ARID5B: variants seen among roughly 807,000 people sequenced by gnomAD.
ARID5B encodes the protein AT-rich interactive domain-containing protein 5B.
In ARID5B, 13 loss-of-function variants were observed where a neutral mutation model predicts 97.2. The observed-to-expected ratio is 0.13, with a 90% CI of 0.09 to 0.21. The LOEUF (loss-of-function observed/expected upper bound fraction) is 0.21. Ranked by LOEUF, ARID5B falls within the 10% of genes least tolerant of loss-of-function variation. The pLI is 1.00. For synonymous variants in ARID5B, 556 were observed against 570.3 expected (o/e 0.97, Z 0.36); for missense variants, 1,210 against 1,465.3 (o/e 0.83, Z 2.84).
At chr10:62,085,054 T>G (rs1332472061) in intron 8 of ARID5B, among the ~76,000 whole-genome samples, 1 of 152,202 alleles carries the variant, frequency 6.6e-6, no homozygotes, top group East Asian at 1.9e-4. Flanking sequence ...ATAAAATGTT[T>G]TCAGATGGGC....
chr10:62,056,569 A>G (rs1839859002), intron 5 of ARID5B, among the ~76,000 whole-genome samples: 1 of 152,206 alleles, frequency 6.6e-6, no homozygotes, highest in South Asian at 2.1e-4. Flanking sequence ...TACAAAGTAT[A>G]AAATATGGTT....
At chr10:62,018,604 C>T (rs1487600030) in intron 4 of ARID5B, among the ~76,000 whole-genome samples, 4 of 141,440 alleles carry the variant, frequency 2.8e-5, no homozygotes, top group African/African-American at 1.1e-4. Flanking sequence ...TTCAAACCTG[C>T]CCCTCCCCCG....
intron 3 of ARID5B, among the ~76,000 whole-genome samples, chr10:61,941,214 G>A (rs1173497646): frequency 6.7e-6 from 1 of 150,356 alleles, no homozygotes; most frequent in Non-Finnish European, 1.5e-5. Context: ...ACATTGACTG[G>A]CATAAAGGAG....
chr10:61,963,290 C>G (rs1389613386), intron 3 of ARID5B, among the ~76,000 whole-genome samples: 1 of 152,138 alleles, frequency 6.6e-6, no homozygotes, highest in Non-Finnish European at 1.5e-5. Flanking sequence ...AGCTTCTTAA[C>G]CCCAGTTTGC....
At chr10:62,016,334 T>C (rs1839283812) in intron 4 of ARID5B, among the ~76,000 whole-genome samples, 1 of 152,214 alleles carries the variant, frequency 6.6e-6, no homozygotes, top group African/African-American at 2.4e-5. Context: ...TATAGACCAA[T>C]GAGGTTCATT....
At chr10:61,928,991 A>C (rs7068195) in intron 2 of ARID5B, among the ~76,000 whole-genome samples, 5,685 of 152,196 alleles carry the variant, frequency 0.037, 370 homozygotes, top group African/African-American at 0.13. Flanking sequence ...GAGGTGGTAC[A>C]TTCTTCCCCC....
intron 2 of ARID5B, among the ~76,000 whole-genome samples, chr10:61,935,030 A>G (rs549108144): frequency 6.6e-6 from 1 of 150,986 alleles, no homozygotes; most frequent in Non-Finnish European, 1.5e-5. Flanking sequence ...AAAAAAAAAG[A>G]TTACAGATCA....
chr10:61,977,452 G>A (rs1838716411), intron 3 of ARID5B, among the ~76,000 whole-genome samples: 1 of 152,222 alleles, frequency 6.6e-6, no homozygotes, highest in South Asian at 2.1e-4. Flanking sequence ...TACAATGGTT[G>A]AGCTAGTTTA....
intron 6 of ARID5B, among the ~76,000 whole-genome samples, chr10:62,057,731 G>A (rs1839875173): frequency 6.6e-6 from 1 of 152,074 alleles, no homozygotes; most frequent in African/African-American, 2.4e-5. Flanking sequence ...CAACCACAAA[G>A]GGAAAACACA....
At chr10:62,029,439 T>C (rs779521175) in intron 4 of ARID5B, among the ~76,000 whole-genome samples, 10 of 152,232 alleles carry the variant, frequency 6.6e-5, no homozygotes, top group Non-Finnish European at 1.2e-4. Context: ...TTGTCTTTGA[T>C]TGGAATTAAC....
intron 8 of ARID5B, among the ~76,000 whole-genome samples, chr10:62,072,700 G>A (rs978532800): frequency 6.6e-6 from 1 of 152,198 alleles, no homozygotes; most frequent in Non-Finnish European, 1.5e-5. Context: ...CTTGTGATCA[G>A]ATGCAACCGC....
At chr10:61,938,881 C>T (rs1025012455) in intron 2 of ARID5B, among the ~76,000 whole-genome samples, 22 of 104,712 alleles carry the variant, frequency 2.1e-4, no homozygotes, top group Non-Finnish European at 3.4e-4. Flanking sequence ...CTTAAAACAT[C>T]AGAAAAAAAA....
At chr10:62,043,642 G>A (rs191436989) in intron 4 of ARID5B, among the ~76,000 whole-genome samples, 16 of 152,318 alleles carry the variant, frequency 1.1e-4, no homozygotes, top group Non-Finnish European at 8.8e-5. Flanking sequence ...TGGGTTGGGG[G>A]AAGGGTAGAA....
intron 8 of ARID5B, 52 bp downstream of exon 8, chr10:62,069,849 G>A: frequency 6.4e-7 from 1 of 1,560,748 alleles, no homozygotes; most frequent in Admixed American, 1.7e-5. Context: ...TAATTGAAAG[G>A]AGCTTCTGGT....
intron 4 of ARID5B, among the ~76,000 whole-genome samples, chr10:62,020,609 C>T (rs1472490732): frequency 6.6e-6 from 1 of 152,150 alleles, no homozygotes; most frequent in Non-Finnish European, 1.5e-5. Flanking sequence ...TTTTATGAAA[C>T]TTGCATAAAT....
At chr10:61,909,679 C>A (rs967266023) in intron 2 of ARID5B, among the ~76,000 whole-genome samples, 2 of 152,190 alleles carry the variant, frequency 1.3e-5, no homozygotes, top group African/African-American at 2.4e-5. Context: ...CCTTCTTGCA[C>A]ACAGTCTACC....
intron 4 of ARID5B, among the ~76,000 whole-genome samples, chr10:62,007,540 A>G (rs917898107): frequency 1.3e-5 from 2 of 152,190 alleles, no homozygotes; most frequent in African/African-American, 4.8e-5. Context: ...TCACAGGACT[A>G]TTGTGAAGAT....
At chr10:61,980,419 T>A (rs988430615) in intron 3 of ARID5B, among the ~76,000 whole-genome samples, 5 of 152,190 alleles carry the variant, frequency 3.3e-5, no homozygotes, top group Non-Finnish European at 4.4e-5. Flanking sequence ...CTTAAAACGA[T>A]TTATTCTGGG....
intron 2 of ARID5B, among the ~76,000 whole-genome samples, chr10:61,915,841 C>T (rs781280093): frequency 1.7e-4 from 26 of 151,940 alleles, no homozygotes; most frequent in Non-Finnish European, 3.5e-4. Flanking sequence ...CTGCAACCTT[C>T]ACCTCCCAGA....
Sources: allele counts gnomAD v4.1 joint callset (sites outside exome capture counted in the v4.1 genomes callset), GRCh38; gene constraint gnomAD v4.1.1; transcripts MANE v1.5; gene names NCBI Gene and HGNC (gene_info 2026-07-23, HGNC 2026-07-21).